CREM: variants seen among roughly 807,000 people sequenced by gnomAD.
The protein encoded by CREM is cAMP responsive element modulator.
Under a neutral mutation model 37.3 loss-of-function variants are expected in CREM, and 13 were observed. The ratio of observed to expected loss-of-function variants is 0.35; its 90% CI spans 0.23 to 0.55. The LOEUF (loss-of-function observed/expected upper bound fraction) is 0.55, where lower values mean the gene tolerates loss of function less well. CREM is among the 20% of genes least tolerant of loss of function. The probability of loss-of-function intolerance (pLI) is 0.88; values close to 1 mark genes in which losing one functional copy is unlikely to be tolerated. For missense variants in CREM, 296 were observed against 362.3 expected, an observed-to-expected ratio of 0.82 and a Z score of 1.49; for synonymous variants, 124 against 120.2, an observed-to-expected ratio of 1.03 and a Z score of -0.21.
At chr10:35,159,560 A>G (rs927501314) in intron 3 of CREM, among the ~76,000 whole-genome samples, 4 of 152,224 alleles carry the variant, frequency 2.6e-5, no homozygotes, top group African/African-American at 9.6e-5. Context: ...GTCTCTCACC[A>G]TAAACAAAAA....
intron 3 of CREM, among the ~76,000 whole-genome samples, chr10:35,170,139 T>C (rs2093739684): frequency 6.6e-6 from 1 of 152,050 alleles, no homozygotes; most frequent in South Asian, 2.1e-4. Context: ...ATTTTTTTTG[T>C]ATTTTTTAGT....
chr10:35,163,467 T>G (rs2093391348), intron 3 of CREM, among the ~76,000 whole-genome samples: 1 of 152,054 alleles, frequency 6.6e-6, no homozygotes, highest in Non-Finnish European at 1.5e-5. Context: ...GATGATTGCT[T>G]GAGCACAGGA....
At chr10:35,187,856 C>G (rs1053933637) in intron 5 of CREM, among the ~76,000 whole-genome samples, 1 of 152,164 alleles carries the variant, frequency 6.6e-6, no homozygotes, top group Admixed American at 6.5e-5. Context: ...GGAAAAACAT[C>G]TGAGAGAATG....
At chr10:35,204,230 C>G (rs2095462002) in intron 6 of CREM, among the ~76,000 whole-genome samples, 1 of 152,214 alleles carries the variant, frequency 6.6e-6, no homozygotes, top group Admixed American at 6.5e-5. Flanking sequence ...ATTGAGTTGT[C>G]TGTGTATACA....
intron 3 of CREM, among the ~76,000 whole-genome samples, chr10:35,164,059 T>C (rs1224314388): frequency 1.3e-5 from 2 of 152,118 alleles, no homozygotes; most frequent in African/African-American, 4.8e-5. Context: ...TTAAAAGTAG[T>C]GTTGAAGGTA....
intron 1 of CREM, among the ~76,000 whole-genome samples, chr10:35,133,629 A>C (rs2089869924): frequency 6.6e-6 from 1 of 152,262 alleles, no homozygotes; most frequent in Non-Finnish European, 1.5e-5. Context: ...CAGAAAAAGC[A>C]AAACTGTGTT....
At chr10:35,166,173 C>T (rs1407791512) in intron 3 of CREM, among the ~76,000 whole-genome samples, 1 of 152,110 alleles carries the variant, frequency 6.6e-6, no homozygotes, top group East Asian at 1.9e-4. Context: ...TGGCTTATCT[C>T]TTTGTAACAA....
intron 2 of CREM, among the ~76,000 whole-genome samples, chr10:35,140,992 G>T (rs969009918): frequency 1.3e-5 from 2 of 152,208 alleles, no homozygotes; most frequent in Admixed American, 6.5e-5. Flanking sequence ...TTTAGTAATG[G>T]AGTGTATGGA....
At chr10:35,146,469 T>C (rs1377006585) in intron 2 of CREM, among the ~76,000 whole-genome samples, 29 of 152,302 alleles carry the variant, frequency 1.9e-4, no homozygotes, top group Admixed American at 1.7e-3. Context: ...CTACCCTTTT[T>C]CCCCAGATAA....
intron 7 of CREM, 147 bp from the exon 8 acceptor site, chr10:35,211,107 G>T: frequency 1.5e-6 from 1 of 679,944 alleles, no homozygotes; most frequent in Non-Finnish European, 2.3e-6. Flanking sequence ...CAAAAAGCAT[G>T]TGCCTGGTTA....
At chr10:35,138,640 C>A (rs2090972108) in intron 2 of CREM, among the ~76,000 whole-genome samples, 2 of 151,396 alleles carry the variant, frequency 1.3e-5, no homozygotes, top group Admixed American at 1.3e-4. Context: ...GATTCTCCTG[C>A]CTCAGCCACC....
intron 3 of CREM, among the ~76,000 whole-genome samples, chr10:35,164,257 A>G (rs1228114230): frequency 6.6e-6 from 1 of 152,246 alleles, no homozygotes; most frequent in Non-Finnish European, 1.5e-5. Context: ...AATGTGCAAT[A>G]AATGCTTGCT....
intron 2 of CREM, among the ~76,000 whole-genome samples, chr10:35,145,977 G>A (rs1023832886): frequency 3.9e-5 from 6 of 152,076 alleles, no homozygotes; most frequent in African/African-American, 9.7e-5. Context: ...AATACTTCTC[G>A]TTAATTCTGA....
chr10:35,152,118 G>A (rs1219059026), intron 3 of CREM, among the ~76,000 whole-genome samples: 1 of 152,176 alleles, frequency 6.6e-6, no homozygotes, highest in Non-Finnish European at 1.5e-5. Context: ...ACTTAGTTGT[G>A]AATAAAGAGG....
intron 3 of CREM, among the ~76,000 whole-genome samples, chr10:35,149,548 T>A (rs1274456408): frequency 1.3e-5 from 2 of 152,130 alleles, no homozygotes; most frequent in African/African-American, 2.4e-5. Flanking sequence ...GAGTCGGAAC[T>A]GAAGACACCA....
chr10:35,197,910 T>C (rs1272286246), intron 6 of CREM, among the ~76,000 whole-genome samples: 1 of 152,186 alleles, frequency 6.6e-6, no homozygotes, highest in Non-Finnish European at 1.5e-5. Flanking sequence ...GATTAGTGGC[T>C]TGCAAACTTT....
intron 6 of CREM, among the ~76,000 whole-genome samples, chr10:35,200,008 G>C (rs2095337307): frequency 1.3e-5 from 2 of 149,172 alleles, no homozygotes; most frequent in South Asian, 4.3e-4. Context: ...ACCTGCCTCA[G>C]CCTCCCAAGT....
intron 6 of CREM, among the ~76,000 whole-genome samples, chr10:35,204,595 T>TA (rs2095474858): frequency 1.3e-5 from 1 of 75,718 alleles, no homozygotes; most frequent in African/African-American, 5.0e-5. Flanking sequence ...AAACTACGTC[T>TA]CAAAAAAAAA....
In CREM at chr10:35,127,055, G is replaced by A. The variant is rs1254153843; in HGVS notation, c.-193G>A. On this transcript the variant is annotated 5_prime_UTR_variant, in exon 1 of 8. Coordinates refer to ENST00000685392, the MANE Select transcript of CREM (RefSeq NM_183011.2). ...GCGGCTACCGCATCACAGCTGACGT[G>A]AGGACTACGTGGGGCCGCTGCCGGC... The A allele has an allele frequency of 1.3e-5, 2 of 152,806 alleles. No individual in the cohort carries two copies. The highest frequency in any genetic ancestry group is 2.1e-4 in the South Asian group (1 of 4,846). The allele number at this position is 152,806 out of a possible 1,614,324, so 9.5% of individuals were successfully genotyped here. A position where few individuals can be genotyped will look rare whatever the true frequency, so the allele number is the denominator to read the frequency against.
Sources: allele counts gnomAD v4.1 joint callset (sites outside exome capture counted in the v4.1 genomes callset), GRCh38; gene constraint gnomAD v4.1.1; transcripts MANE v1.5; gene names NCBI Gene and HGNC (gene_info 2026-07-23, HGNC 2026-07-21).